Variants in NELL2 observed in about 807,000 individuals in gnomAD.
NELL2 encodes neural EGFL like 2.
Under a neutral mutation model 109.6 loss-of-function variants are expected in NELL2, and 41 were observed. The ratio of observed to expected loss-of-function variants is 0.37; its 90% confidence interval spans 0.29 to 0.49. NELL2 has a LOEUF of 0.49. Ranked by LOEUF, NELL2 falls within the 20% of genes least tolerant of loss-of-function variation. The pLI is 0.98. For synonymous variants in NELL2, 355 were observed against 344.7 expected, an observed-to-expected ratio of 1.03 and a Z score of -0.33; for missense variants, 900 against 1,008.3, an observed-to-expected ratio of 0.89 and a Z score of 1.45.
intron 13 of NELL2, among the ~76,000 whole-genome samples, chr12:44,637,479 G>T (rs973623962): frequency 2.8e-5 from 4 of 141,506 alleles, no homozygotes; most frequent in African/African-American, 7.8e-5. Flanking sequence ...CACAGTAGGT[G>T]TTATGAAAGA....
intron 13 of NELL2, among the ~76,000 whole-genome samples, chr12:44,660,576 G>T (rs1032028096): frequency 5.3e-5 from 8 of 152,138 alleles, no homozygotes; most frequent in African/African-American, 1.7e-4. Flanking sequence ...TCCTTTGTCA[G>T]GTGGGAATGC....
intron 13 of NELL2, among the ~76,000 whole-genome samples, chr12:44,650,291 A>G (rs935378670): frequency 8.2e-6 from 1 of 121,956 alleles, no homozygotes. Context: ...ACCTGCCTCC[A>G]CCCCCCAATT....
At chr12:44,724,864 A>C (rs1040170070) in intron 9 of NELL2, among the ~76,000 whole-genome samples, 4 of 151,976 alleles carry the variant, frequency 2.6e-5, no homozygotes, top group African/African-American at 9.7e-5. Context: ...CCAACTTCAA[A>C]CTATACTACA....
intron 9 of NELL2, among the ~76,000 whole-genome samples, chr12:44,755,241 C>T (rs934393723): frequency 6.6e-6 from 1 of 152,176 alleles, no homozygotes; most frequent in African/African-American, 2.4e-5. Context: ...ATGGATACTT[C>T]ATATATACCA....
intron 1 of NELL2, among the ~76,000 whole-genome samples, chr12:44,905,925 GA>G (rs1658494939): frequency 1.3e-5 from 2 of 151,894 alleles, no homozygotes; most frequent in African/African-American, 2.4e-5. Flanking sequence ...GAGTCTAGGG[GA>G]AAAACAGGGA....
intron 1 of NELL2, among the ~76,000 whole-genome samples, chr12:44,895,177 T>C (rs1276052699): frequency 6.6e-6 from 1 of 152,166 alleles, no homozygotes; most frequent in Non-Finnish European, 1.5e-5. Flanking sequence ...TTTCAACACT[T>C]AGAGAACTCT....
At chr12:44,517,218 TTATA>T (rs1410406201) in intron 19 of NELL2, among the ~76,000 whole-genome samples, 1 of 152,168 alleles carries the variant, frequency 6.6e-6, no homozygotes, top group Non-Finnish European at 1.5e-5. Context: ...AAAAGCTTTA[TTATA>T]ATATTGCTTA....
At chr12:44,883,010 T>C (rs1270667563) in intron 1 of NELL2, among the ~76,000 whole-genome samples, 1 of 148,956 alleles carries the variant, frequency 6.7e-6, no homozygotes, top group Non-Finnish European at 1.5e-5. Context: ...CCAGACAATT[T>C]TTTTTTTTTT....
At chr12:44,591,004 G>A (rs1944725163) in intron 15 of NELL2, among the ~76,000 whole-genome samples, 1 of 151,570 alleles carries the variant, frequency 6.6e-6, no homozygotes, top group Admixed American at 6.6e-5. Flanking sequence ...CATGCAAATG[G>A]CCAATAAATA....
chr12:44,690,471 C>T (rs1260044016), intron 12 of NELL2, among the ~76,000 whole-genome samples: 1 of 151,776 alleles, frequency 6.6e-6, no homozygotes, highest in African/African-American at 2.4e-5. Flanking sequence ...GCATTTTTAA[C>T]AAGCTCCTAG....
chr12:44,591,943 T>C (rs913376999), intron 15 of NELL2, among the ~76,000 whole-genome samples: 6 of 152,182 alleles, frequency 3.9e-5, no homozygotes, highest in East Asian at 1.9e-4. Flanking sequence ...CAATACAAGG[T>C]AATTTGAAGA....
chr12:44,874,468 T>C (rs1171555210), intron 2 of NELL2, among the ~76,000 whole-genome samples: 1 of 152,206 alleles, frequency 6.6e-6, no homozygotes, highest in Non-Finnish European at 1.5e-5. Flanking sequence ...GAAGGTTTGC[T>C]GCATTGGAAT....
intron 12 of NELL2, among the ~76,000 whole-genome samples, chr12:44,672,902 CAT>C (rs958433323): frequency 1.3e-5 from 2 of 152,118 alleles, no homozygotes; most frequent in African/African-American, 4.8e-5. Context: ...TTTAAGCTAT[CAT>C]AGGGTCAGAG....
chr12:44,612,905 A>G (rs1177917566), intron 13 of NELL2, among the ~76,000 whole-genome samples: 1 of 152,036 alleles, frequency 6.6e-6, no homozygotes. Context: ...ATAATGTTCA[A>G]TAAACGCTAA....
At chr12:44,552,859 T>A (rs964992392) in intron 15 of NELL2, among the ~76,000 whole-genome samples, 3 of 152,090 alleles carry the variant, frequency 2.0e-5, no homozygotes, top group African/African-American at 7.2e-5. Context: ...AACTGTGCCA[T>A]AAAATATGAC....
chr12:44,844,307 A>G (rs183440004), intron 2 of NELL2, among the ~76,000 whole-genome samples: 1 of 152,350 alleles, frequency 6.6e-6, no homozygotes, highest in East Asian at 1.9e-4. Flanking sequence ...CAACAAAAGA[A>G]GAGAAAAAAC....
At chr12:44,851,642 C>T (rs1944537651) in intron 2 of NELL2, 1 of 152,072 alleles carries the variant, frequency 6.6e-6, no homozygotes, top group Non-Finnish European at 1.5e-5. Context: ...AGAGTGCTTT[C>T]AAAACCAAAA....
At chr12:44,649,031 G>T (rs1314683513) in intron 13 of NELL2, among the ~76,000 whole-genome samples, 2 of 151,494 alleles carry the variant, frequency 1.3e-5, no homozygotes, top group Admixed American at 6.6e-5. Flanking sequence ...CTCCCAAAGT[G>T]CTGGGATTAC....
chr12:44,659,718 C>T (rs1947670075), intron 13 of NELL2, among the ~76,000 whole-genome samples: 2 of 152,004 alleles, frequency 1.3e-5, no homozygotes, highest in Non-Finnish European at 2.9e-5. Flanking sequence ...ATATTCAATG[C>T]TATAAAAAGT....
Sources: gnomAD v4.1 joint callset for allele counts (sites outside exome capture counted in the v4.1 genomes callset) on GRCh38, gnomAD v4.1.1 for gene constraint, MANE v1.5 for transcripts, NCBI Gene and HGNC (gene_info 2026-07-23, HGNC 2026-07-21) for gene names.